ITPR2: variants seen among roughly 807,000 people sequenced by gnomAD.
ITPR2 encodes the protein inositol 1,4,5-trisphosphate receptor type 2.
A neutral mutation model predicts 317.1 loss-of-function variants in ITPR2; 207 were observed. The observed-to-expected ratio is 0.65, with a 90% CI of 0.58 to 0.73. ITPR2 has a LOEUF of 0.73. ITPR2 is among the 30% of genes least tolerant of loss of function. The pLI is 0.00. For missense variants in ITPR2, 2,613 were observed against 3,284.0 expected (o/e 0.80, Z 4.99); for synonymous variants, 1,156 against 1,149.1 (o/e 1.01, Z -0.12).
intron 1 of ITPR2, among the ~76,000 whole-genome samples, chr12:26,795,076 G>A (rs1950408504): frequency 6.6e-6 from 1 of 152,128 alleles, no homozygotes; most frequent in Non-Finnish European, 1.5e-5. Context: ...AAATTAGAAA[G>A]CACAATTGTA....
intron 1 of ITPR2, among the ~76,000 whole-genome samples, chr12:26,802,590 T>TATATAG (rs1305583920): frequency 5.1e-4 from 5 of 9,726 alleles, no homozygotes; most frequent in East Asian, 6.6e-3. Flanking sequence ...GATATATCTA[T>TATATAG]ATATAGATAT....
At chr12:26,725,175 T>C (rs1014511073) in intron 3 of ITPR2, among the ~76,000 whole-genome samples, 1 of 152,140 alleles carries the variant, frequency 6.6e-6, no homozygotes, top group African/African-American at 2.4e-5. Flanking sequence ...AGGATAATAG[T>C]AGAATTTCCA....
intron 55 of ITPR2, among the ~76,000 whole-genome samples, chr12:26,369,335 T>C (rs1392301911): frequency 1.3e-5 from 2 of 152,108 alleles, no homozygotes; most frequent in Admixed American, 6.5e-5. Context: ...GGGGCAAGTA[T>C]GGAAGAAAAA....
chr12:26,546,483 T>A (rs374352208), intron 37 of ITPR2, among the ~76,000 whole-genome samples: 1 of 152,172 alleles, frequency 6.6e-6, no homozygotes, highest in East Asian at 1.9e-4. Flanking sequence ...CTTAAGATAA[T>A]GACCTTCAGT....
chr12:26,748,464 A>T (rs74950596), intron 2 of ITPR2, among the ~76,000 whole-genome samples: 4,970 of 152,278 alleles, frequency 0.033, 280 homozygotes, highest in African/African-American at 0.11. Flanking sequence ...TTTTGCCGTT[A>T]AAAGTAATAG....
In ITPR2 at chr12:26,654,128, T is replaced by TAA; in HGVS notation, c.2590-3_2590-2insTT. On this transcript the variant is annotated splice_region_variant and splice_polypyrimidine_tract_variant and intron_variant, in intron 20 of 56. Transcript: ENST00000381340. Reference sequence around the variant, plus strand: ...AAGATTCCGAGCCAAGTGGACCACCTTAATAAAAAAAAAAAAGCGGGGAGG... The same window carrying TAA: ...AAGATTCCGAGCCAAGTGGACCACCTAATAATAAAAAAAAAAAAGCGGGGAGG... 1 of 1,118,158 alleles carries TAA rather than the reference T, an allele frequency of 8.9e-7. No individual in the cohort carries two copies. Among genetic ancestry groups the TAA allele is most frequent in the Admixed American group, 3.1e-5 (1 of 32,396 alleles). 69.3% of individuals were successfully genotyped at this position (1,118,158 alleles called of 1,614,324 possible).
At position 26,686,595 on chromosome 12, in the gene ITPR2, T is replaced by C. The variant is rs1178861055; in HGVS notation, c.1034A>G (p.Gln345Arg). The stretch of plus-strand genomic sequence containing the variant: ...AGTATACATGATCTTCTCCCCTGCC[T>C]GGCGTTTTTTCTTTGAAGTTGGAGG... ...GVPPTSKKKR[Q>R]AGEKIMYTLV... Residue 345 changes from glutamine to arginine, a missense_variant, in exon 11 of 57, where the codon CAG becomes CGG. Physicochemically the swap from Gln to Arg is conservative, Grantham distance 43. This residue lies in a region of ITPR2 where 515 missense variants were observed against 789.4 expected (regional missense o/e 0.65). Transcript: ENST00000381340. 5.0e-6 allele frequency: 8 copies of C among 1,611,224 alleles called. No homozygotes were observed. The highest frequency in any genetic ancestry group is 2.7e-5 in the African/African-American group (2 of 74,804).
At chr12:26,724,875 T>C in intron 3 of ITPR2, 133 bp from the exon 4 acceptor site, 1 of 579,440 alleles carries the variant, frequency 1.7e-6, no homozygotes, top group East Asian at 2.9e-5. Flanking sequence ...AGGACTGTAA[T>C]CTTAGTTTAG....
intron 10 of ITPR2, among the ~76,000 whole-genome samples, chr12:26,687,796 C>T (rs147763312): frequency 2.8e-4 from 42 of 152,246 alleles, no homozygotes; most frequent in African/African-American, 8.9e-4. Flanking sequence ...CTCACAGCAC[C>T]AGGTAGCTCC....
chr12:26,345,017 G>C (rs1204027140), intron 55 of ITPR2, among the ~76,000 whole-genome samples: 3 of 151,730 alleles, frequency 2.0e-5, no homozygotes, highest in Non-Finnish European at 4.4e-5. Flanking sequence ...TCTGCTTCTT[G>C]TTCCACTCCT....
chr12:26,517,096 T>C (rs1397053470), intron 37 of ITPR2, among the ~76,000 whole-genome samples: 2 of 152,150 alleles, frequency 1.3e-5, no homozygotes, highest in East Asian at 3.9e-4. Flanking sequence ...ATCCCTTGCA[T>C]CTAGAAAATA....
chr12:26,520,920 A>G (rs1487707984), intron 37 of ITPR2, among the ~76,000 whole-genome samples: 1 of 152,234 alleles, frequency 6.6e-6, no homozygotes, highest in Non-Finnish European at 1.5e-5. Context: ...TCAGGAATCA[A>G]GTAGAATTAG....
chr12:26,785,508 A>G (rs1950217684), intron 2 of ITPR2, among the ~76,000 whole-genome samples: 1 of 48,276 alleles, frequency 2.1e-5, no homozygotes, highest in African/African-American at 6.6e-5. Flanking sequence ...CCTACTGGGA[A>G]GTGAGGACCC....
chr12:26,397,347 C>G (rs1349367738), intron 54 of ITPR2, among the ~76,000 whole-genome samples: 2 of 151,794 alleles, frequency 1.3e-5, no homozygotes, highest in Admixed American at 6.6e-5. Context: ...TGCTTGTACT[C>G]ACTTTGATCT....
At chr12:26,380,966 T>G (rs1381085462) in intron 55 of ITPR2, among the ~76,000 whole-genome samples, 3 of 152,210 alleles carry the variant, frequency 2.0e-5, no homozygotes, top group Admixed American at 1.3e-4. Context: ...CCTTTCTTTT[T>G]AAGGTCTTAA....
chr12:26,612,724 C>T (rs1331625013), intron 26 of ITPR2, among the ~76,000 whole-genome samples: 3 of 152,222 alleles, frequency 2.0e-5, no homozygotes, highest in Non-Finnish European at 4.4e-5. Context: ...GGTGTCCCAA[C>T]CCAGCCTCTT....
chr12:26,612,816 G>A (rs1946298912), intron 26 of ITPR2, among the ~76,000 whole-genome samples: 1 of 152,154 alleles, frequency 6.6e-6, no homozygotes, highest in Non-Finnish European at 1.5e-5. Flanking sequence ...AATCTTCACA[G>A]GCTCCCAGTT....
At chr12:26,407,985 G>A (rs1223784070) in intron 52 of ITPR2, among the ~76,000 whole-genome samples, 6 of 151,988 alleles carry the variant, frequency 3.9e-5, no homozygotes, top group Admixed American at 2.0e-4. Context: ...CCCTCCTCTC[G>A]GCCTGACTAG....
chr12:26,471,474 A>T (rs1942289933), intron 45 of ITPR2, among the ~76,000 whole-genome samples: 1 of 152,218 alleles, frequency 6.6e-6, no homozygotes, highest in South Asian at 2.1e-4. Context: ...TTTTAAGGAA[A>T]TTCTCTGCAC....
Sources: gnomAD v4.1 joint callset for allele counts (sites outside exome capture counted in the v4.1 genomes callset) on GRCh38, gnomAD v4.1.1 for gene constraint, gnomAD v4.1.1 regional missense constraint, MANE v1.5 for transcripts, NCBI Gene and HGNC (gene_info 2026-07-23, HGNC 2026-07-21) for gene names.